The following VPS37A variants were observed in gnomAD, a reference collection of about 807,000 sequenced individuals.
VPS37A encodes the protein vacuolar protein sorting-associated protein 37A.
A neutral mutation model predicts 49.8 loss-of-function variants in VPS37A; 30 were observed. That is an observed-to-expected ratio of 0.60 (90% CI 0.45 to 0.82). The LOEUF (loss-of-function observed/expected upper bound fraction) is 0.82, where lower values mean the gene tolerates loss of function less well. Ranked by LOEUF, VPS37A falls within the 40% of genes least tolerant of loss-of-function variation. The probability of loss-of-function intolerance (pLI) is 0.00; values close to 1 mark genes in which losing one functional copy is unlikely to be tolerated. For synonymous variants in VPS37A, 195 were observed against 160.6 expected (o/e 1.21, Z -1.62); for missense variants, 593 against 464.4 (o/e 1.28, Z -2.55).
chr8:17,282,837 G>A (rs964167577), intron 9 of VPS37A, among the ~76,000 whole-genome samples: 7 of 152,004 alleles, frequency 4.6e-5, no homozygotes, highest in Admixed American at 2.0e-4. Context: ...AATCTTCTGC[G>A]CTCTTACATA....
chr8:17,328,091 G>A, the VPS37A span, among the ~76,000 whole-genome samples: 1 of 152,186 alleles, frequency 6.6e-6, no homozygotes, highest in Non-Finnish European at 1.5e-5. Flanking sequence ...TGGAAGGTAG[G>A]CAGGCACAAA....
chr8:17,274,511 A>G (rs1814315421), intron 4 of VPS37A, among the ~76,000 whole-genome samples: 1 of 151,660 alleles, frequency 6.6e-6, no homozygotes. Context: ...TCTTCTTTGT[A>G]GAAACCACAA....
At chr8:17,299,013 C>A (rs1195725517), downstream of VPS37A, 2 of 152,216 alleles carry the variant, frequency 1.3e-5, no homozygotes, top group Non-Finnish European at 2.9e-5. Flanking sequence ...TATCTACTAA[C>A]TTTATAATGT....
chr8:17,249,781 G>A (rs545350498), intron 1 of VPS37A, among the ~76,000 whole-genome samples: 1 of 152,306 alleles, frequency 6.6e-6, no homozygotes, highest in South Asian at 2.1e-4. Context: ...AGGTTAACAA[G>A]CGAAAAGCAT....
downstream of VPS37A, chr8:17,298,885 TA>T (rs1173859266): frequency 6.6e-6 from 1 of 152,218 alleles, no homozygotes; most frequent in Non-Finnish European, 1.5e-5. Flanking sequence ...AATTAAACCA[TA>T]TTAGCCAGTT....
intron 1 of VPS37A, among the ~76,000 whole-genome samples, chr8:17,252,263 C>T (rs965752093): frequency 2.0e-5 from 3 of 152,194 alleles, no homozygotes; most frequent in African/African-American, 7.2e-5. Flanking sequence ...GCAATCCTCC[C>T]ACCTCAGCTT....
the VPS37A span, chr8:17,331,396 C>T: frequency 2.6e-6 from 3 of 1,132,830 alleles, no homozygotes; most frequent in African/African-American, 4.7e-5. Flanking sequence ...TGTACGGAAA[C>T]ATAATACGCT....
intron 4 of VPS37A, among the ~76,000 whole-genome samples, chr8:17,270,274 T>C (rs921063437): frequency 3.3e-5 from 5 of 152,162 alleles, no homozygotes; most frequent in Non-Finnish European, 7.3e-5. Context: ...CTAAAAACTT[T>C]TGGTTGAAAT....
chr8:17,312,863 G>C, the VPS37A span, among the ~76,000 whole-genome samples: 1 of 152,112 alleles, frequency 6.6e-6, no homozygotes, highest in Non-Finnish European at 1.5e-5. Flanking sequence ...TTATGTGAAA[G>C]CTGCAGCGAC....
the VPS37A span, among the ~76,000 whole-genome samples, chr8:17,327,212 C>T: frequency 1.2e-4 from 19 of 152,160 alleles, no homozygotes; most frequent in African/African-American, 4.1e-4. Context: ...GACATTCATT[C>T]GGCTTCCAAT....
At chr8:17,303,233 A>G (rs1176197316), downstream of VPS37A, among the ~76,000 whole-genome samples, 2 of 152,200 alleles carry the variant, frequency 1.3e-5, no homozygotes, top group Non-Finnish European at 2.9e-5. Context: ...ATTAGTTGCA[A>G]TCCAACTGGT....
chr8:17,307,055 A>C (rs1817500401), downstream of VPS37A, among the ~76,000 whole-genome samples: 2 of 152,316 alleles, frequency 1.3e-5, no homozygotes, highest in East Asian at 1.9e-4. Context: ...TAATTAAACT[A>C]AAGAGCTTCT....
chr8:17,328,094 G>C, the VPS37A span, among the ~76,000 whole-genome samples: 1 of 152,172 alleles, frequency 6.6e-6, no homozygotes, highest in Admixed American at 6.5e-5. Context: ...AAGGTAGGCA[G>C]GCACAAAGCT....
In VPS37A at chr8:17,295,627, T is replaced by G. The variant is rs555129242; in HGVS notation, c.*641T>G. The G allele has an allele frequency of 6.6e-6, 1 of 152,648 alleles. No individual in the cohort carries two copies. The highest frequency in any genetic ancestry group is 2.1e-4 in the South Asian group (1 of 4,824). 9.5% of individuals were successfully genotyped at this position (152,648 alleles called of 1,614,324 possible). On this transcript the variant is annotated 3_prime_UTR_variant, in exon 12 of 12. Transcript: ENST00000324849. ...TTTAAGAAGCAATACAAGTAAATAT[T>G]TTACCTAATAGGAAAAAAAAAAGTT... is the stretch of plus-strand genomic sequence containing the variant.
chr8:17,304,517 A>G, downstream of VPS37A: 4 of 1,613,024 alleles, frequency 2.5e-6, no homozygotes, highest in Non-Finnish European at 2.5e-6. Context: ...TCTTTCTTGA[A>G]TCCTGTTATA....
intron 6 of VPS37A, chr8:17,279,779 T>C (rs753306705): frequency 4.5e-5 from 24 of 537,032 alleles, no homozygotes; most frequent in South Asian, 2.3e-4. Context: ...AAAGTAGATA[T>C]ATCGATATAT....
chr8:17,311,664 C>A, the VPS37A span: 1 of 1,613,690 alleles, frequency 6.2e-7, no homozygotes, highest in South Asian at 1.1e-5. Flanking sequence ...CGCAAAGAGT[C>A]ACAAAGAATG....
chr8:17,275,035 G>C (rs1814384395), intron 5 of VPS37A, 77 bp downstream of exon 5: 13 of 1,330,664 alleles, frequency 9.8e-6, no homozygotes, highest in Non-Finnish European at 1.4e-5. Flanking sequence ...ACATGCCTCT[G>C]TGTGCCAGAT....
rs989608045 is a variant in VPS37A, at chr8:17,296,126, T to C, written c.*1140T>C. 2.0e-5 allele frequency: 3 copies of C among 152,230 alleles called. No homozygotes were observed. The highest frequency in any genetic ancestry group is 7.2e-5 in the African/African-American group (3 of 41,466). The allele number at this position is 152,230 out of a possible 1,614,324, so 9.4% of individuals were successfully genotyped here. ...TGATTGTCTTCCCAACACCAGCATA[T>C]AGTATAGATTGTCTGTCTTTTTTAT... is the stretch of plus-strand genomic sequence containing the variant. On this transcript the variant is annotated 3_prime_UTR_variant, in exon 12 of 12. Coordinates refer to ENST00000324849, the MANE Select transcript of VPS37A (RefSeq NM_152415.3).
Sources: gnomAD v4.1 joint callset for allele counts (sites outside exome capture counted in the v4.1 genomes callset) on GRCh38, gnomAD v4.1.1 for gene constraint, MANE v1.5 for transcripts, NCBI Gene and HGNC (gene_info 2026-07-23, HGNC 2026-07-21) for gene names.